Variants in PRKCE observed in about 807,000 individuals in gnomAD.
The protein encoded by PRKCE is protein kinase C epsilon type.
A neutral mutation model predicts 85.4 loss-of-function variants in PRKCE; 16 were observed. The observed-to-expected ratio is 0.19, with a 90% CI of 0.13 to 0.28. The LOEUF is 0.28. Among genes scored for constraint, PRKCE ranks in the 10% least tolerant of loss-of-function variants. The pLI is 1.00. For missense variants in PRKCE, 573 were observed against 975.2 expected (o/e 0.59, Z 5.49); for synonymous variants, 388 against 371.5 (o/e 1.04, Z -0.51).
intron 6 of PRKCE, among the ~76,000 whole-genome samples, chr2:45,997,167 T>C (rs1007074807): frequency 6.6e-6 from 1 of 152,170 alleles, no homozygotes; most frequent in Non-Finnish European, 1.5e-5. Context: ...TGTCCTCTCA[T>C]TTCTGATATT....
At chr2:46,057,011 G>T (rs1000831602) in intron 10 of PRKCE, among the ~76,000 whole-genome samples, 2 of 152,246 alleles carry the variant, frequency 1.3e-5, no homozygotes, top group South Asian at 4.2e-4. Context: ...GGGGATGGAG[G>T]GGGTGGAAAC....
chr2:45,817,283 C>T (rs1414691941), intron 1 of PRKCE, among the ~76,000 whole-genome samples: 1 of 152,146 alleles, frequency 6.6e-6, no homozygotes, highest in Non-Finnish European at 1.5e-5. Context: ...AAATATCTTA[C>T]TTATTTTTAC....
intron 11 of PRKCE, among the ~76,000 whole-genome samples, chr2:46,099,080 T>C (rs1485782241): frequency 2.0e-5 from 3 of 152,162 alleles, no homozygotes; most frequent in African/African-American, 7.2e-5. Flanking sequence ...CTTCTGGGTC[T>C]CTTCTTCCAA....
chr2:45,766,945 G>A (rs1318347741), intron 1 of PRKCE, among the ~76,000 whole-genome samples: 2 of 152,092 alleles, frequency 1.3e-5, no homozygotes, highest in Non-Finnish European at 2.9e-5. Context: ...GGAGGCTGAG[G>A]CAAGAGAATC....
rs113689290 is a variant in PRKCE at position 46,035,332 on chromosome 2, A to G, written c.1437+24815A>G. ...CCTGAAGGATCTGAACTCCTTTCTCATAGAGAAAACAAGGTCCAGGTCTCC... is the reference window on the plus strand; with the variant it reads ...CCTGAAGGATCTGAACTCCTTTCTCGTAGAGAAAACAAGGTCCAGGTCTCC... On this transcript the variant is annotated intron_variant, in intron 10 of 14. Transcript: ENST00000306156. Among the ~76,000 whole-genome samples, 49 of 152,366 alleles carry G rather than the reference A, an allele frequency of 3.2e-4. 2 individuals are homozygous for G. Among genetic ancestry groups the G allele is most frequent in the African/African-American group, 1.2e-3 (49 of 41,594 alleles).
intron 1 of PRKCE, among the ~76,000 whole-genome samples, chr2:45,763,506 C>T (rs975059792): frequency 1.7e-4 from 26 of 152,154 alleles, no homozygotes; most frequent in African/African-American, 5.6e-4. Context: ...TAAGGCTTTG[C>T]TCACGTCCCA....
chr2:46,075,699 A>G (rs1445671324), intron 10 of PRKCE, among the ~76,000 whole-genome samples: 1 of 152,198 alleles, frequency 6.6e-6, no homozygotes, highest in African/African-American at 2.4e-5. Context: ...CAGTGAGCCA[A>G]AATCAAGCCA....
intron 2 of PRKCE, among the ~76,000 whole-genome samples, chr2:45,956,293 G>C (rs113366583): frequency 3.0e-4 from 45 of 152,232 alleles, no homozygotes; most frequent in African/African-American, 1.0e-3. Flanking sequence ...TTTCATACAG[G>C]TTTTTATGTA....
chr2:45,808,675 C>G (rs935510447), intron 1 of PRKCE, among the ~76,000 whole-genome samples: 3 of 152,190 alleles, frequency 2.0e-5, no homozygotes, highest in Admixed American at 6.5e-5. Context: ...CGTGACCCTG[C>G]TGAGCTGAAG....
intron 2 of PRKCE, among the ~76,000 whole-genome samples, chr2:45,964,192 C>A (rs1056296524): frequency 1.3e-5 from 2 of 152,216 alleles, no homozygotes; most frequent in South Asian, 2.1e-4. Flanking sequence ...CATTCACACC[C>A]TTTCCATGTT....
chr2:46,005,461 T>G (rs184386555), intron 8 of PRKCE, among the ~76,000 whole-genome samples: 14 of 152,310 alleles, frequency 9.2e-5, no homozygotes. Context: ...TTCATTATCC[T>G]AATTTTATGC....
rs376207262 is a variant in PRKCE, at chr2:45,705,523, C to T, written c.348+53075C>T. The stretch of plus-strand genomic sequence containing the variant: ...CTCCAACCAGACCAACCCAGCCCTC[C>T]GTGAGTAGAGGTTACAGGCTTATTG... On this transcript the variant is annotated intron_variant, in intron 1 of 14. Transcript: ENST00000306156. 7.9e-5 allele frequency among the ~76,000 whole-genome samples: 12 copies of T among 152,290 alleles called. 1 individual carries two copies. In the South Asian group the frequency reaches 1.5e-3, roughly 18 times the overall value.
intron 14 of PRKCE, among the ~76,000 whole-genome samples, chr2:46,173,926 T>A (rs1220137527): frequency 6.6e-6 from 1 of 152,134 alleles, no homozygotes; most frequent in African/African-American, 2.4e-5. Context: ...GTAAACAAAT[T>A]TTTTTTTATA....
chr2:45,842,838 CT>C lies in PRKCE; in HGVS notation c.349-161del, dbSNP rs59478793. On this transcript the variant is annotated intron_variant, in intron 1 of 14. Transcript: ENST00000306156. ...GCTACCTATGGGGTATGCATCAGTCCTCCCAGGTCTGCATCTCACCTAGCAC... is the reference window on the plus strand; with the variant it reads ...GCTACCTATGGGGTATGCATCAGTCCCCCAGGTCTGCATCTCACCTAGCAC... Among the ~76,000 whole-genome samples the C allele has an allele frequency of 8.1e-4, 123 of 152,312 alleles. 3 individuals are homozygous for C. The East Asian group carries it at 0.021, about 26-fold the overall frequency.
At chr2:46,075,233 G>C (rs1364312182) in intron 10 of PRKCE, among the ~76,000 whole-genome samples, 1 of 151,888 alleles carries the variant, frequency 6.6e-6, no homozygotes, top group Non-Finnish European at 1.5e-5. Context: ...AGTACAGACA[G>C]GGTTTCACCG....
At chr2:45,714,180 G>A (rs985065976) in intron 1 of PRKCE, among the ~76,000 whole-genome samples, 1 of 152,176 alleles carries the variant, frequency 6.6e-6, no homozygotes, top group African/African-American at 2.4e-5. Context: ...TGCTCTGATG[G>A]GACTTAGAGT....
intron 14 of PRKCE, among the ~76,000 whole-genome samples, chr2:46,160,536 G>A (rs1310791598): frequency 1.3e-5 from 2 of 152,054 alleles, no homozygotes; most frequent in East Asian, 3.9e-4. Context: ...CAATCATTCA[G>A]ACTGAAAATT....
intron 2 of PRKCE, among the ~76,000 whole-genome samples, chr2:45,928,497 G>A (rs1199970922): frequency 6.6e-6 from 1 of 152,142 alleles, no homozygotes; most frequent in Non-Finnish European, 1.5e-5. Flanking sequence ...TCCAACTTCT[G>A]AGCTCAGGCA....
At chr2:45,745,475 G>A (rs1009748306) in intron 1 of PRKCE, among the ~76,000 whole-genome samples, 3 of 152,096 alleles carry the variant, frequency 2.0e-5, no homozygotes, top group African/African-American at 7.2e-5. Context: ...CTCTGCCCTT[G>A]GGAGACCTGA....
Sources: allele counts gnomAD v4.1 joint callset (sites outside exome capture counted in the v4.1 genomes callset), GRCh38; gene constraint gnomAD v4.1.1; transcripts MANE v1.5; gene names NCBI Gene and HGNC (gene_info 2026-07-23, HGNC 2026-07-21).